Variants in CFAP77 observed in about 807,000 individuals in gnomAD.
CFAP77 encodes cilia- and flagella-associated protein 77.
Under a neutral mutation model 31.1 loss-of-function variants are expected in CFAP77, and 25 were observed. The ratio of observed to expected loss-of-function variants is 0.80; its 90% CI spans 0.59 to 1.12. CFAP77 has a LOEUF of 1.12. Ranked by LOEUF, CFAP77 falls within the 50% of genes most tolerant of loss-of-function variation. CFAP77 has a pLI of 0.00. For synonymous variants in CFAP77, 151 were observed against 159.9 expected (o/e 0.94, Z 0.42); for missense variants, 377 against 397.3 (o/e 0.95, Z 0.44).
chr9:132,428,321 T>G (rs1406431816), intron 1 of CFAP77, among the ~76,000 whole-genome samples: 1 of 151,966 alleles, frequency 6.6e-6, no homozygotes, highest in South Asian at 2.1e-4. Flanking sequence ...GAGCATTAGA[T>G]TCTTAATAAC....
intron 3 of CFAP77, among the ~76,000 whole-genome samples, chr9:132,523,915 G>T (rs1382001469): frequency 6.6e-6 from 1 of 152,162 alleles, no homozygotes; most frequent in Non-Finnish European, 1.5e-5. Context: ...CAGGCTCCAG[G>T]ATGAATGCAA....
intron 1 of CFAP77, among the ~76,000 whole-genome samples, chr9:132,445,858 G>A (rs1162480356): frequency 7.1e-6 from 1 of 139,956 alleles, no homozygotes; most frequent in African/African-American, 2.7e-5. Flanking sequence ...GACAGAGTGA[G>A]ACTCGATCTC....
intron 1 of CFAP77, among the ~76,000 whole-genome samples, chr9:132,437,707 T>A (rs1164659039): frequency 2.0e-5 from 3 of 151,064 alleles, no homozygotes; most frequent in Non-Finnish European, 4.4e-5. Flanking sequence ...GAGACAGGGT[T>A]TCACCATGTT....
chr9:132,539,041 C>T lies in CFAP77; in HGVS notation c.630+1335C>T, dbSNP rs980765555. Among the ~76,000 whole-genome samples, 6 of 150,116 alleles carry T rather than the reference C, an allele frequency of 4.0e-5. No individual in the cohort carries two copies. Among genetic ancestry groups the T allele is most frequent in the African/African-American group, 9.8e-5 (4 of 40,712 alleles). ...GGTGGAGGTTGCAGTGAGCCAAGAT[C>T]GTGCCACTGCACTCCAGCCTGGGCA... On this transcript the variant is annotated intron_variant, in intron 4 of 5. Transcript: ENST00000393216. The surrounding 1 kb of genome is among the most constrained non-coding windows in gnomAD (Gnocchi z 4.3).
chr9:132,446,623 C>T (rs1850722552), intron 1 of CFAP77, among the ~76,000 whole-genome samples: 1 of 151,714 alleles, frequency 6.6e-6, no homozygotes, highest in Admixed American at 6.6e-5. Context: ...TGCCTGTAGT[C>T]CCAGCTACTT....
At chr9:132,523,750 T>C (rs1589905774) in intron 3 of CFAP77, among the ~76,000 whole-genome samples, 1 of 152,296 alleles carries the variant, frequency 6.6e-6, no homozygotes, top group East Asian at 1.9e-4. Flanking sequence ...GCAATCTCCA[T>C]GCTCTAATTA....
At chr9:132,524,582 C>T (rs970534733) in intron 3 of CFAP77, among the ~76,000 whole-genome samples, 1 of 151,546 alleles carries the variant, frequency 6.6e-6, no homozygotes, top group Non-Finnish European at 1.5e-5. Context: ...CACTGCACTT[C>T]ATCCTGGCCA....
At chr9:132,439,128 G>A (rs1377075653) in intron 1 of CFAP77, among the ~76,000 whole-genome samples, 1 of 151,476 alleles carries the variant, frequency 6.6e-6, no homozygotes, top group Non-Finnish European at 1.5e-5. Context: ...TGCCCACCTC[G>A]GCCTCCCAAA....
At chr9:132,435,656 T>C (rs1191463999) in intron 1 of CFAP77, among the ~76,000 whole-genome samples, 6 of 152,192 alleles carry the variant, frequency 3.9e-5, no homozygotes, top group Non-Finnish European at 7.3e-5. Context: ...CGGAGCAGTG[T>C]GTCCAAGCAG....
intron 1 of CFAP77, among the ~76,000 whole-genome samples, chr9:132,475,092 T>C (rs1851329531): frequency 6.6e-6 from 1 of 152,238 alleles, no homozygotes; most frequent in African/African-American, 2.4e-5. Flanking sequence ...GTTTTGTTGT[T>C]CCAATAGAGA....
chr9:132,462,902 T>G (rs1589865196), intron 1 of CFAP77, among the ~76,000 whole-genome samples: 1 of 152,284 alleles, frequency 6.6e-6, no homozygotes, highest in East Asian at 1.9e-4. Flanking sequence ...CAGAGTGAAC[T>G]CCATGAAGAT....
At chr9:132,519,543 GGT>G (rs1852219809) in intron 3 of CFAP77, among the ~76,000 whole-genome samples, 1 of 88,844 alleles carries the variant, frequency 1.1e-5, no homozygotes, top group Non-Finnish European at 2.6e-5. Flanking sequence ...TGGATGGGTG[GGT>G]AGATGGATGA....
intron 1 of CFAP77, among the ~76,000 whole-genome samples, chr9:132,432,990 A>G (rs1850438375): frequency 6.6e-6 from 1 of 152,144 alleles, no homozygotes; most frequent in Non-Finnish European, 1.5e-5. Context: ...CTGGGATTAC[A>G]GGCGTGAGCC....
rs1209219981 is a variant in CFAP77, at chr9:132,573,319, C to T, written c.*809C>T. 2 of 152,216 alleles carry T rather than the reference C, an allele frequency of 1.3e-5. No homozygotes were observed. Among genetic ancestry groups the T allele is most frequent in the African/African-American group, 2.4e-5 (1 of 41,442 alleles). The allele number at this position is 152,216 out of a possible 1,614,324, so 9.4% of individuals were successfully genotyped here. ...AATTAAAAATGCTATTTGTCATCCT[C>T]CTTTTGTGTCTCCATTTGAAAACCA... is the stretch of plus-strand genomic sequence containing the variant. On this transcript the variant is annotated 3_prime_UTR_variant, in exon 6 of 6. Coordinates refer to ENST00000393216, the MANE Select transcript of CFAP77 (RefSeq NM_001282957.2).
intron 1 of CFAP77, among the ~76,000 whole-genome samples, chr9:132,411,939 A>AT (rs548002768): frequency 2.0e-5 from 3 of 152,184 alleles, no homozygotes; most frequent in Non-Finnish European, 4.4e-5. Context: ...TACCGTTTAC[A>AT]TCTATCATAT....
At chr9:132,509,598 A>T (rs932025563) in intron 3 of CFAP77, among the ~76,000 whole-genome samples, 4 of 152,280 alleles carry the variant, frequency 2.6e-5, no homozygotes, top group African/African-American at 9.6e-5. Flanking sequence ...ATGAAACCTC[A>T]TCTCTACTAA....
chr9:132,496,951 G>A (rs995605190), intron 1 of CFAP77, among the ~76,000 whole-genome samples: 1 of 152,256 alleles, frequency 6.6e-6, no homozygotes, highest in African/African-American at 2.4e-5. Flanking sequence ...GAGCAGAACA[G>A]ATAGCTAAGA....
chr9:132,502,276 T>TGG (rs1564230467), intron 3 of CFAP77, among the ~76,000 whole-genome samples: 13 of 65,244 alleles, frequency 2.0e-4, no homozygotes, highest in Non-Finnish European at 3.5e-4. Context: ...TTTTTTTTTT[T>TGG]TGGGGGAGGG....
intron 1 of CFAP77, among the ~76,000 whole-genome samples, chr9:132,487,513 C>T (rs1851582032): frequency 6.6e-6 from 1 of 152,038 alleles, no homozygotes; most frequent in Non-Finnish European, 1.5e-5. Flanking sequence ...AAAAGGGCCC[C>T]CATCTATAAC....
Sources: allele counts gnomAD v4.1 joint callset (sites outside exome capture counted in the v4.1 genomes callset), GRCh38; gene constraint gnomAD v4.1.1; non-coding constraint Gnocchi (gnomAD v3.1); transcripts MANE v1.5; gene names NCBI Gene and HGNC (gene_info 2026-07-23, HGNC 2026-07-21).